NBPF15: variants seen among roughly 807,000 people sequenced by gnomAD.
NBPF15 encodes NBPF member 15, also known as NBPF family member NBPF15.
In NBPF15, 74 loss-of-function variants were observed where a neutral mutation model predicts 62.2. The observed-to-expected ratio is 1.19, with a 90% CI of 0.99 to 1.44. The LOEUF (loss-of-function observed/expected upper bound fraction) is 1.44, where lower values mean the gene tolerates loss of function less well. Among genes scored for constraint, NBPF15 ranks in the 40% most tolerant of loss-of-function variants. The pLI is 0.00. For synonymous variants in NBPF15, 244 were observed against 209.7 expected, an observed-to-expected ratio of 1.16 and a Z score of -1.41; for missense variants, 790 against 550.0, an observed-to-expected ratio of 1.44 and a Z score of -4.36.
chr1:144,446,060 A>G lies in NBPF15; in HGVS notation c.-191+2715T>C, dbSNP rs1428585470. Among the ~76,000 whole-genome samples, 17 of 150,618 alleles carry G rather than the reference A, an allele frequency of 1.1e-4. 1 individual carries two copies. The highest frequency in any genetic ancestry group is 4.2e-4 in the African/African-American group (17 of 40,668). On this transcript the variant is annotated intron_variant, in intron 6 of 21. Coordinates refer to ENST00000581897, the MANE Select transcript of NBPF15 (RefSeq NM_001385408.1). ...TTAGTAGAGATGGGGTTTCACTGTT[A>G]GGCATGATGGTCTCCATCTCCTGAC...
At position 144,439,854 on chromosome 1, in the gene NBPF15, G is replaced by A. The variant is rs1165129035; in HGVS notation, c.150C>T (p.Phe50=). Residue 50 remains phenylalanine (F), a synonymous_variant, in exon 8 of 22, where the codon TTC becomes TTT. Coordinates refer to ENST00000581897, the MANE Select transcript of NBPF15 (RefSeq NM_001385408.1). ...TGTATTTCTTCTGTCGGTTGGCCAG[G>A]AAGCCGGCCAGTTGAGTTAGAAAAC... ...EKCFLTQLAG[F]LANRQKKYKY... is the part of the protein sequence containing the mutation. 23 of 1,608,420 alleles carry A rather than the reference G, an allele frequency of 1.4e-5. No individual in the cohort carries two copies. The highest frequency in any genetic ancestry group is 1.7e-5 in the Non-Finnish European group (20 of 1,177,736).
chr1:144,456,405 T>C (rs1485268678), intron 4 of NBPF15, 132 bp downstream of exon 4: 3 of 820,784 alleles, frequency 3.7e-6, no homozygotes, highest in South Asian at 9.3e-5. Flanking sequence ...CAAATATTAA[T>C]TCAGTATCTG....
intron 21 of NBPF15, among the ~76,000 whole-genome samples, chr1:144,423,519 T>C (rs587617513): frequency 6.6e-6 from 1 of 151,698 alleles, no homozygotes; most frequent in Non-Finnish European, 1.5e-5. Context: ...GGTGACATAC[T>C]GGTAAGGGAG....
chr1:144,457,193 G>A (rs1553547197), intron 3 of NBPF15, among the ~76,000 whole-genome samples: 1 of 151,998 alleles, frequency 6.6e-6, no homozygotes, highest in Non-Finnish European at 1.5e-5. Flanking sequence ...TACTTGAGTA[G>A]CCAGGGAAGT....
Position 144,440,142 on chromosome 1 carries a change from G to A in NBPF15, c.-37C>T. 7 of 1,585,738 alleles carry A rather than the reference G, an allele frequency of 4.4e-6. No homozygotes were observed. The highest frequency in any genetic ancestry group is 6.0e-6 in the Non-Finnish European group (7 of 1,160,088). The stretch of plus-strand genomic sequence containing the variant: ...AAGTAACTGAAATTCTTAACTTACT[G>A]TTGTCAAAAATGTGATCACTCCCCA... On this transcript the variant is annotated splice_region_variant and 5_prime_UTR_variant, in exon 7 of 22. Coordinates refer to ENST00000581897, the MANE Select transcript of NBPF15 (RefSeq NM_001385408.1).
At chr1:144,461,017 A>T (rs1420949324) in intron 1 of NBPF15, 56 bp from the exon 2 acceptor site, 1 of 150,770 alleles carries the variant, frequency 6.6e-6, no homozygotes, top group Admixed American at 6.6e-5. Flanking sequence ...CCAACTTTGC[A>T]AGTCAGGGGC....
At chr1:144,434,840 C>T (rs587634323) in intron 12 of NBPF15, among the ~76,000 whole-genome samples, 4 of 152,086 alleles carry the variant, frequency 2.6e-5, no homozygotes, top group Admixed American at 2.0e-4. Flanking sequence ...TGAATCGAAG[C>T]TAGGAGGCCT....
At chr1:144,446,147 C>T (rs1186716010) in intron 6 of NBPF15, among the ~76,000 whole-genome samples, 1 of 151,740 alleles carries the variant, frequency 6.6e-6, no homozygotes, top group South Asian at 2.1e-4. Context: ...GCCACGGTGC[C>T]CAGTCTGTTG....
chr1:144,446,327 T>A, intron 6 of NBPF15, among the ~76,000 whole-genome samples: 1 of 149,964 alleles, frequency 6.7e-6, no homozygotes, highest in South Asian at 2.1e-4. Flanking sequence ...CTGGTAGATT[T>A]TTGTAGATTT....
At chr1:144,442,147 A>ATATATACACGTGTATATATATATAT (rs1553542823) in intron 6 of NBPF15, among the ~76,000 whole-genome samples, 1 of 7,528 alleles carries the variant, frequency 1.3e-4, no homozygotes, top group Non-Finnish European at 3.6e-4. Context: ...ATATATATAT[A>ATATATACACGTGTATATATATATAT]ATATATATAC....
At chr1:144,448,058 A>C (rs1688831058) in intron 6 of NBPF15, among the ~76,000 whole-genome samples, 1 of 152,038 alleles carries the variant, frequency 6.6e-6, no homozygotes. Context: ...TCACCTTTTC[A>C]ATAAACCTGC....
chr1:144,424,478 G>A (rs1170713876), intron 20 of NBPF15, among the ~76,000 whole-genome samples: 9 of 152,072 alleles, frequency 5.9e-5, no homozygotes, highest in African/African-American at 2.2e-4. Flanking sequence ...CCACAGGCAT[G>A]GCCTGAGACT....
At chr1:144,447,727 A>G (rs1332859589) in intron 6 of NBPF15, among the ~76,000 whole-genome samples, 1 of 152,062 alleles carries the variant, frequency 6.6e-6, no homozygotes, top group Non-Finnish European at 1.5e-5. Context: ...AAAGCACTCA[A>G]CCAGGAGTCA....
At chr1:144,438,783 T>C (rs1474846630) in intron 8 of NBPF15, among the ~76,000 whole-genome samples, 1 of 151,806 alleles carries the variant, frequency 6.6e-6, no homozygotes, top group African/African-American at 2.4e-5. Context: ...GTGAGGAAAC[T>C]GAGGGACAGA....
chr1:144,459,790 T>A (rs1553547923), intron 2 of NBPF15, among the ~76,000 whole-genome samples: 1 of 151,728 alleles, frequency 6.6e-6, no homozygotes, highest in African/African-American at 2.4e-5. Flanking sequence ...GCACCCCTAC[T>A]AGAATGGCAA....
chr1:144,440,340 T>C, intron 6 of NBPF15, 45 bp from the exon 7 acceptor site: 1 of 1,129,262 alleles, frequency 8.9e-7, no homozygotes, highest in African/African-American at 1.6e-5. Flanking sequence ...TGTCATGGAA[T>C]CTTAGGAGCC....
chr1:144,445,001 G>T (rs1553543625), intron 6 of NBPF15, among the ~76,000 whole-genome samples: 1 of 151,390 alleles, frequency 6.6e-6, no homozygotes, highest in South Asian at 2.1e-4. Flanking sequence ...AGACTTCCAA[G>T]TGCTTTATAT....
At chr1:144,438,945 C>A (rs1210935767) in intron 8 of NBPF15, among the ~76,000 whole-genome samples, 8 of 151,840 alleles carry the variant, frequency 5.3e-5, no homozygotes, top group Admixed American at 4.6e-4. Flanking sequence ...TCACTCTCAC[C>A]AAGCTACTCT....
intron 8 of NBPF15, among the ~76,000 whole-genome samples, chr1:144,438,780 A>G (rs1185645872): frequency 2.0e-5 from 3 of 151,830 alleles, no homozygotes; most frequent in African/African-American, 7.3e-5. Flanking sequence ...CAGGTGAGGA[A>G]ACTGAGGGAC....
Sources: gnomAD v4.1 joint callset for allele counts (sites outside exome capture counted in the v4.1 genomes callset) on GRCh38, gnomAD v4.1.1 for gene constraint, MANE v1.5 for transcripts, NCBI Gene and HGNC (gene_info 2026-07-23, HGNC 2026-07-21) for gene names.